The following TRIM33 variants were observed in gnomAD, a reference collection of about 807,000 sequenced individuals.
TRIM33 encodes tripartite motif containing 33, also known as E3 ubiquitin-protein ligase TRIM33.
In TRIM33, 20 loss-of-function variants were observed where a neutral mutation model predicts 125.4. That is an observed-to-expected ratio of 0.16 (90% CI 0.11 to 0.23). The LOEUF is 0.23. Among genes scored for constraint, TRIM33 ranks in the 10% least tolerant of loss-of-function variants. The probability of loss-of-function intolerance (pLI) is 1.00; values close to 1 mark genes in which losing one functional copy is unlikely to be tolerated. For missense variants in TRIM33, 920 were observed against 1,411.4 expected (o/e 0.65, Z 5.58); for synonymous variants, 564 against 513.9 (o/e 1.10, Z -1.32).
At chr1:114,500,404 T>A (rs1026222181) in intron 1 of TRIM33, among the ~76,000 whole-genome samples, 11 of 151,936 alleles carry the variant, frequency 7.2e-5, no homozygotes, top group Non-Finnish European at 1.6e-4. Context: ...CCAAGTGCAA[T>A]CATAGCACAT....
At chr1:114,448,792 G>C (rs1364453042) in intron 4 of TRIM33, among the ~76,000 whole-genome samples, 2 of 152,138 alleles carry the variant, frequency 1.3e-5, no homozygotes, top group Non-Finnish European at 2.9e-5. Flanking sequence ...GTACTAAGCA[G>C]AATGAGCTGG....
chr1:114,419,411 C>T (rs935776358), intron 11 of TRIM33, among the ~76,000 whole-genome samples: 6 of 152,008 alleles, frequency 3.9e-5, no homozygotes, highest in East Asian at 1.9e-4. Flanking sequence ...ACCCGTCAGG[C>T]GGTTATACGA....
intron 1 of TRIM33, among the ~76,000 whole-genome samples, chr1:114,503,425 C>T (rs1652821651): frequency 6.6e-6 from 1 of 152,152 alleles, no homozygotes; most frequent in South Asian, 2.1e-4. Context: ...TCGCGGTGAG[C>T]CAAGATTGCG....
At chr1:114,424,526 T>G (rs1647424556) in intron 10 of TRIM33, 65 bp downstream of exon 10, 4 of 1,411,388 alleles carry the variant, frequency 2.8e-6, no homozygotes, top group Non-Finnish European at 3.8e-6. Flanking sequence ...CAAAAAGTGA[T>G]TAAGAAAATG....
At chr1:114,402,189 T>C (rs1307271688) in intron 16 of TRIM33, among the ~76,000 whole-genome samples, 2 of 152,306 alleles carry the variant, frequency 1.3e-5, no homozygotes, top group African/African-American at 4.8e-5. Flanking sequence ...TTTCCATTTT[T>C]AATATGATGA....
intron 16 of TRIM33, among the ~76,000 whole-genome samples, chr1:114,402,135 C>T (rs529033873): frequency 6.6e-6 from 1 of 152,242 alleles, no homozygotes; most frequent in African/African-American, 2.4e-5. Flanking sequence ...GGCAATCAGA[C>T]TACAGGCCAG....
At position 114,393,286 on chromosome 1, in the gene TRIM33, G is replaced by A. The variant is rs1422408526; in HGVS notation, c.*4362C>T. ...TATAGGCTTATGTATATGTTTCACT[G>A]TGTTTTAAAATGTAGTAGATGCCTA... On this transcript the variant is annotated 3_prime_UTR_variant, in exon 20 of 20. Transcript: ENST00000358465. The A allele has an allele frequency of 1.5e-5, 3 of 200,862 alleles. No individual in the cohort carries two copies. Among genetic ancestry groups the A allele is most frequent in the African/African-American group, 6.9e-5 (3 of 43,560 alleles). 12.4% of individuals were successfully genotyped at this position (200,862 alleles called of 1,614,324 possible).
At chr1:114,441,506 A>G (rs948098175) in intron 4 of TRIM33, among the ~76,000 whole-genome samples, 3 of 152,190 alleles carry the variant, frequency 2.0e-5, no homozygotes, top group African/African-American at 7.2e-5. Context: ...TCTACATTGG[A>G]TACATGCACA....
intron 4 of TRIM33, among the ~76,000 whole-genome samples, chr1:114,453,362 A>AG (rs1298328094): frequency 6.8e-6 from 1 of 146,552 alleles, no homozygotes; most frequent in Non-Finnish European, 1.5e-5. Flanking sequence ...AGTCTGTCTC[A>AG]GGAAAAAAAA....
intron 1 of TRIM33, among the ~76,000 whole-genome samples, chr1:114,484,539 C>A (rs190411084): frequency 6.6e-6 from 1 of 151,996 alleles, no homozygotes; most frequent in East Asian, 1.9e-4. Flanking sequence ...CCAGCCTGGT[C>A]AACATGGTGA....
chr1:114,418,047 A>G (rs1653044918), intron 11 of TRIM33, among the ~76,000 whole-genome samples: 1 of 152,214 alleles, frequency 6.6e-6, no homozygotes, highest in Non-Finnish European at 1.5e-5. Context: ...TAAAGATACT[A>G]CCTGAGACTG....
chr1:114,418,147 AAAGGG>A (rs1297903384), intron 11 of TRIM33, among the ~76,000 whole-genome samples: 1 of 152,216 alleles, frequency 6.6e-6, no homozygotes. Context: ...GGCAGAAGGC[AAAGGG>A]GAAGCAGGCA....
At chr1:114,414,027 G>GCGCACACACACACA (rs1353374378) in intron 11 of TRIM33, among the ~76,000 whole-genome samples, 2 of 130,588 alleles carry the variant, frequency 1.5e-5, no homozygotes, top group African/African-American at 6.0e-5. Flanking sequence ...TAAATCACAG[G>GCGCACACACACACA]CACACACACA....
intron 1 of TRIM33, among the ~76,000 whole-genome samples, chr1:114,484,260 TTC>T (rs1185832924): frequency 6.6e-6 from 1 of 152,218 alleles, no homozygotes; most frequent in Non-Finnish European, 1.5e-5. Flanking sequence ...TTATTTTATA[TTC>T]TTTTATACTG....
chr1:114,438,717 T>A (rs1479062242), intron 4 of TRIM33, among the ~76,000 whole-genome samples: 1 of 152,198 alleles, frequency 6.6e-6, no homozygotes, highest in Non-Finnish European at 1.5e-5. Flanking sequence ...AATCATCATA[T>A]ATACATGCAC....
intron 4 of TRIM33, among the ~76,000 whole-genome samples, chr1:114,439,675 A>T (rs970375801): frequency 6.6e-6 from 1 of 152,006 alleles, no homozygotes; most frequent in Admixed American, 6.6e-5. Flanking sequence ...AAATTTGATG[A>T]TCTATAGCTC....
intron 11 of TRIM33, among the ~76,000 whole-genome samples, chr1:114,412,480 ATATC>A (rs890818411): frequency 2.0e-5 from 3 of 152,236 alleles, no homozygotes; most frequent in African/African-American, 7.2e-5. Context: ...TGAACAGATC[ATATC>A]TATCACCCCC....
rs112830567 is a variant in TRIM33, at chr1:114,411,215, GT to G, written c.2062-900del. 3.3e-4 allele frequency among the ~76,000 whole-genome samples: 49 copies of G among 146,902 alleles called. No homozygotes were observed. The East Asian group carries it at 5.6e-3, about 17-fold the overall frequency. On this transcript the variant is annotated intron_variant, in intron 11 of 19. Transcript: ENST00000358465. ...GCCACAACGCCTGGCTAATTTTTGT[GT>G]TTTTTTTTTATAGAGATGGGATTTT...
rs897682664 is a variant in TRIM33, at chr1:114,405,526, G to A, written c.2652C>T (p.Asp884=). The A allele has an allele frequency of 3.2e-5, 51 of 1,614,180 alleles. No homozygotes were observed. In the East Asian group the frequency reaches 8.7e-4, roughly 28 times the overall value. ...AGACAGCACACCAGTCTTCATTTGGGTCATCATCTTTATTGTTGCCATCTC... is the reference window on the plus strand; with the variant it reads ...AGACAGCACACCAGTCTTCATTTGGATCATCATCTTTATTGTTGCCATCTC... ...IGGDGNNKDD[D]PNEDWCAVCQ... The change falls in exon 15 of 20, where the codon GAC becomes GAT. Residue 884 remains aspartate (D), a synonymous_variant. Coordinates refer to ENST00000358465, the MANE Select transcript of TRIM33 (RefSeq NM_015906.4).
Sources: gnomAD v4.1 joint callset for allele counts (sites outside exome capture counted in the v4.1 genomes callset) on GRCh38, gnomAD v4.1.1 for gene constraint, MANE v1.5 for transcripts, NCBI Gene and HGNC (gene_info 2026-07-23, HGNC 2026-07-21) for gene names.